The following GAK variants were observed in gnomAD, a reference collection of about 807,000 sequenced individuals.
GAK encodes cyclin G associated kinase, also known as cyclin-G-associated kinase.
A neutral mutation model predicts 143.9 loss-of-function variants in GAK; 79 were observed. That is an observed-to-expected ratio of 0.55 (90% CI 0.46 to 0.66). GAK has a LOEUF of 0.66. Among genes scored for constraint, GAK ranks in the 30% least tolerant of loss-of-function variants. The pLI is 0.00. For synonymous variants in GAK, 881 were observed against 765.5 expected (o/e 1.15, Z -2.49); for missense variants, 1,693 against 1,779.7 (o/e 0.95, Z 0.88).
At chr4:924,374 G>C (rs561140593) in intron 1 of GAK, among the ~76,000 whole-genome samples, 1 of 152,084 alleles carries the variant, frequency 6.6e-6, no homozygotes, top group Non-Finnish European at 1.5e-5. Flanking sequence ...TGCAGCTACC[G>C]TGGAAGGAGG....
intron 1 of GAK, among the ~76,000 whole-genome samples, chr4:919,791 C>T (rs1723634861): frequency 6.6e-6 from 1 of 152,236 alleles, no homozygotes; most frequent in Non-Finnish European, 1.5e-5. Flanking sequence ...ACTACAAACA[C>T]CATGAAGCAG....
intron 1 of GAK, 115 bp downstream of exon 1, chr4:931,928 G>T: frequency 3.8e-6 from 3 of 785,164 alleles, no homozygotes; most frequent in East Asian, 2.9e-5. Context: ...CCACGATCCC[G>T]CTGGGACCCT....
At chr4:874,871 G>GT (rs1713514654) in intron 18 of GAK, among the ~76,000 whole-genome samples, 1 of 152,112 alleles carries the variant, frequency 6.6e-6, no homozygotes. Flanking sequence ...CTCTCTGTAC[G>GT]TGTCTTCTTC....
rs756473783 is a variant in GAK, at chr4:898,002, CT to C, written c.651+30del. 9.4e-6 allele frequency: 15 copies of C among 1,593,890 alleles called. No homozygotes were observed. The South Asian group carries it at 1.7e-4, about 18-fold the overall frequency. On this transcript the variant is annotated intron_variant, in intron 6 of 27. Coordinates refer to ENST00000314167, the MANE Select transcript of GAK (RefSeq NM_005255.4). ...GGGCGTGGAATGTGGGAAGGGCCAG[CT>C]TCCCCCAGCATAGGCCCCACTCAGC...
At chr4:931,723 C>A (rs1394244160) in intron 1 of GAK, among the ~76,000 whole-genome samples, 2 of 152,112 alleles carry the variant, frequency 1.3e-5, no homozygotes, top group African/African-American at 4.8e-5. Context: ...CCCCCACCCA[C>A]CCTGAGGGGG....
intron 24 of GAK, among the ~76,000 whole-genome samples, chr4:856,837 G>A (rs1000423701): frequency 1.3e-5 from 2 of 152,240 alleles, no homozygotes; most frequent in African/African-American, 4.8e-5. Flanking sequence ...TGGCCTCCCA[G>A]AGCACTGGGG....
chr4:885,215 G>C (rs1716057831), intron 11 of GAK, among the ~76,000 whole-genome samples: 1 of 152,192 alleles, frequency 6.6e-6, no homozygotes, highest in South Asian at 2.1e-4. Flanking sequence ...GGCCACTTTT[G>C]CAGCAAGAGA....
In GAK at chr4:932,032, C is replaced by T. The variant is rs1725959585; in HGVS notation, c.145+11G>A. 6.4e-7 allele frequency: 1 copy of T among 1,567,260 alleles called. No homozygotes were observed. Among genetic ancestry groups the T allele is most frequent in the South Asian group, 1.1e-5 (1 of 87,746 alleles). ...CGCGGCCGCACCCGCGCTGCCGACC[C>T]GGGGCCTCACCTTCGGCCAGGACCC... On this transcript the variant is annotated intron_variant, in intron 1 of 27. Transcript: ENST00000314167. The surrounding 1 kb of genome is among the most constrained non-coding windows in gnomAD (Gnocchi z 4.0).
intron 24 of GAK, among the ~76,000 whole-genome samples, chr4:856,065 G>C (rs1749067651): frequency 6.6e-6 from 1 of 152,222 alleles, no homozygotes; most frequent in Non-Finnish European, 1.5e-5. Context: ...GGCCAGCCTT[G>C]ACCTCCTGGG....
At chr4:859,021 A>C (rs73062400) in intron 24 of GAK, among the ~76,000 whole-genome samples, 9,185 of 152,292 alleles carry the variant, frequency 0.06, 360 homozygotes, top group Non-Finnish European at 0.071. Flanking sequence ...CCCGCCGCCG[A>C]CGCTTCTTCT....
rs761477392 is a variant in GAK at position 911,752 on chromosome 4, A to G, written c.303T>C (p.Phe101=). ...KLSGHPNIVQ[F]CSAASIGKEE... ...CTTTTCCTATAGACGCTGCAGAACA[A>G]AACTGGACAATGTTCGGGTGGCCGG... Residue 101 remains phenylalanine, a synonymous_variant, in exon 4 of 28, where the codon TTT becomes TTC. Coordinates refer to ENST00000314167, the MANE Select transcript of GAK (RefSeq NM_005255.4). The G allele has an allele frequency of 6.2e-7, 1 of 1,614,044 alleles. No homozygotes were observed. Among genetic ancestry groups the G allele is most frequent in the Non-Finnish European group, 8.5e-7 (1 of 1,179,954 alleles).
chr4:890,651 T>C (rs374376296), intron 9 of GAK, 29 bp from the exon 10 acceptor site: 55 of 1,586,574 alleles, frequency 3.5e-5, no homozygotes, highest in Non-Finnish European at 4.5e-5. Flanking sequence ...AGAGGTCAGT[T>C]CTCTAAACTG....
chr4:879,379 T>C (rs1045805214), intron 15 of GAK, among the ~76,000 whole-genome samples: 1 of 152,096 alleles, frequency 6.6e-6, no homozygotes, highest in Non-Finnish European at 1.5e-5. Context: ...TTGCTGGCTG[T>C]TTCCTACTTG....
At chr4:882,614 CTG>C in intron 14 of GAK, 81 bp downstream of exon 14, 2 of 1,533,052 alleles carry the variant, frequency 1.3e-6, no homozygotes, top group Non-Finnish European at 1.8e-6. Flanking sequence ...CAGCTCATGA[CTG>C]GCGCTCAGAT....
At chr4:851,504 C>T in intron 25 of GAK, 1 of 584,184 alleles carries the variant, frequency 1.7e-6, no homozygotes. Context: ...GAAGACAAGA[C>T]AGGGTTGCAA....
chr4:889,883 C>T (rs116524039), intron 10 of GAK, among the ~76,000 whole-genome samples: 7 of 152,306 alleles, frequency 4.6e-5, no homozygotes, highest in African/African-American at 1.4e-4. Flanking sequence ...CAGCTGAGGG[C>T]CCTCCAGGGA....
At chr4:904,614 C>G (rs761030340) in intron 5 of GAK, 23 bp downstream of exon 5, 1 of 1,543,542 alleles carries the variant, frequency 6.5e-7, no homozygotes, top group East Asian at 2.3e-5. Flanking sequence ...GCCTTGGCAG[C>G]CGCGTGTGGA....
intron 15 of GAK, 130 bp downstream of exon 15, chr4:881,777 G>C (rs1463409092): frequency 8.5e-7 from 1 of 1,172,682 alleles, no homozygotes; most frequent in Non-Finnish European, 1.2e-6. Flanking sequence ...GGCTCCGCGA[G>C]GCCGGGCCTG....
intron 12 of GAK, among the ~76,000 whole-genome samples, 182 bp downstream of exon 12, chr4:883,855 T>G (rs1465583825): frequency 6.6e-6 from 1 of 152,242 alleles, no homozygotes; most frequent in Non-Finnish European, 1.5e-5. Context: ...TGTCCACTGC[T>G]GCGCCTGGAG....
Sources: allele counts gnomAD v4.1 joint callset (sites outside exome capture counted in the v4.1 genomes callset), GRCh38; gene constraint gnomAD v4.1.1; non-coding constraint Gnocchi (gnomAD v3.1); transcripts MANE v1.5; gene names NCBI Gene and HGNC (gene_info 2026-07-23, HGNC 2026-07-21).